KIF1A: variants seen among roughly 807,000 people sequenced by gnomAD.
KIF1A encodes the protein kinesin family member 1A.
KIF1A carries 46 observed loss-of-function variants against 227.3 expected under a neutral mutation model. The observed-to-expected ratio is 0.20, with a 90% CI of 0.16 to 0.26. KIF1A has a LOEUF of 0.26. KIF1A is among the 10% of genes least tolerant of loss of function. The probability of loss-of-function intolerance (pLI) is 1.00; values close to 1 mark genes in which losing one functional copy is unlikely to be tolerated. For missense variants in KIF1A, 1,683 were observed against 2,485.9 expected (o/e 0.68, Z 6.87); for synonymous variants, 1,022 against 1,012.8 (o/e 1.01, Z -0.17).
rs1295220887 is a variant in KIF1A, at chr2:240,715,603, G to C, written c.*1761C>G. On this transcript the variant is annotated 3_prime_UTR_variant, in exon 49 of 49. Transcript: ENST00000498729. ...CACCACTCTCGGAGATGGAACTTCA[G>C]GGGCCCAAACAACCTTCCCAAAGGA... The C allele has an allele frequency of 2.6e-5, 4 of 152,432 alleles. No homozygotes were observed. The highest frequency in any genetic ancestry group is 2.6e-4 in the Admixed American group (4 of 15,294). 9.4% of individuals were successfully genotyped at this position (152,432 alleles called of 1,614,324 possible). A position where few individuals can be genotyped will look rare whatever the true frequency, so the allele number is the denominator to read the frequency against.
rs1339852753 is a variant in KIF1A at position 240,726,649 on chromosome 2, A to T, written c.4122+177T>A. Among the ~76,000 whole-genome samples the T allele has an allele frequency of 6.6e-6, 1 of 152,000 alleles. No homozygotes were observed. The highest frequency in any genetic ancestry group is 1.9e-4 in the East Asian group (1 of 5,202). On this transcript the variant is annotated intron_variant, in intron 39 of 48. Coordinates refer to ENST00000498729, the MANE Select transcript of KIF1A (RefSeq NM_001244008.2). The surrounding 1 kb of genome is among the most constrained non-coding windows in gnomAD (Gnocchi z 5.2). Reference sequence around the variant, plus strand: ...AGCACATGGATTTATGGATTTATGGATTCAACCTTGCAGTCCAGTTTTTGT... The same window carrying T: ...AGCACATGGATTTATGGATTTATGGTTTCAACCTTGCAGTCCAGTTTTTGT...
chr2:240,792,785 C>T lies in KIF1A; in HGVS notation c.107-3473G>A, dbSNP rs976290381. Among the ~76,000 whole-genome samples the T allele has an allele frequency of 2.6e-5, 4 of 152,130 alleles. No homozygotes were observed. Among genetic ancestry groups the T allele is most frequent in the African/African-American group, 9.7e-5 (4 of 41,410 alleles). On this transcript the variant is annotated intron_variant, in intron 2 of 48. Transcript: ENST00000498729. This position sits in a 1 kb window ranked among gnomAD's most constrained non-coding sequence, Gnocchi z 4.5. ...TGAGGATGAGACGAAGCCACGAAGT[C>T]AGGGACCTCATGGTGGGATGAGTGG...
chr2:240,755,787 CT>C (rs1323728227), intron 27 of KIF1A, among the ~76,000 whole-genome samples: 2 of 152,234 alleles, frequency 1.3e-5, no homozygotes, highest in South Asian at 2.1e-4. Flanking sequence ...CCTCATCCCC[CT>C]GTGCGTCCTG....
rs1343042027 is a variant in KIF1A, at chr2:240,714,748, T to G, written c.*2616A>C. Reference sequence around the variant, plus strand: ...GTGTCCTGACTCAGGCGGCCTCCTCTCACCATCAACTCTGAGTTTCTGGGT... The same window carrying G: ...GTGTCCTGACTCAGGCGGCCTCCTCGCACCATCAACTCTGAGTTTCTGGGT... On this transcript the variant is annotated 3_prime_UTR_variant, in exon 49 of 49. Transcript: ENST00000498729. 1 of 152,358 alleles carries G rather than the reference T, an allele frequency of 6.6e-6. No individual in the cohort carries two copies. The highest frequency in any genetic ancestry group is 2.1e-4 in the South Asian group (1 of 4,820). The allele number at this position is 152,358 out of a possible 1,614,324, so 9.4% of individuals were successfully genotyped here.
At chr2:240,763,385 A>G in intron 20 of KIF1A, 39 bp from the exon 21 acceptor site, 1 of 1,531,144 alleles carries the variant, frequency 6.5e-7, no homozygotes, top group African/African-American at 1.4e-5. Context: ...AGGGATGGGG[A>G]TCTTCAGGTC....
intron 1 of KIF1A, among the ~76,000 whole-genome samples, chr2:240,810,552 C>T (rs1260957883): frequency 6.6e-6 from 1 of 152,162 alleles, no homozygotes; most frequent in African/African-American, 2.4e-5. Flanking sequence ...AGCAACTCTG[C>T]AAGTAGAGAT....
chr2:240,812,924 A>AGCCTTCACCTCGGGGATCC lies in KIF1A; in HGVS notation c.-61+7179_-61+7197dup, dbSNP rs1553642807. ...GGGATCCGCCTTCACCTCGGGGATC[A>AGCCTTCACCTCGGGGATCC]GCCTTCACCTCGGGGATCCGCCTTC... On this transcript the variant is annotated intron_variant, in intron 1 of 48. Coordinates refer to ENST00000498729, the MANE Select transcript of KIF1A (RefSeq NM_001244008.2). Among the ~76,000 whole-genome samples, 267 of 46,264 alleles carry AGCCTTCACCTCGGGGATCC rather than the reference A, an allele frequency of 5.8e-3. 13 individuals carry two copies. The highest frequency in any genetic ancestry group is 0.011 in the East Asian group (14 of 1,300). 30.4% of individuals were successfully genotyped at this position (46,264 alleles called of 152,430 possible).
At chr2:240,745,657 C>A in intron 31 of KIF1A, 81 bp downstream of exon 31, 1 of 1,545,226 alleles carries the variant, frequency 6.5e-7, no homozygotes. Flanking sequence ...ATGGCCTGCT[C>A]CCTGCCCAGC....
chr2:240,810,676 G>A (rs921945869), intron 1 of KIF1A, among the ~76,000 whole-genome samples: 2 of 152,178 alleles, frequency 1.3e-5, no homozygotes, highest in African/African-American at 2.4e-5. Context: ...ATGCAGAGTC[G>A]GCTGCAGGCC....
intron 34 of KIF1A, among the ~76,000 whole-genome samples, chr2:240,741,617 G>A (rs2047982249): frequency 1.3e-5 from 2 of 152,354 alleles, no homozygotes; most frequent in South Asian, 4.1e-4. Flanking sequence ...GGCTAGGAAA[G>A]GCACATGGCC....
chr2:240,776,959 C>T lies in KIF1A; in HGVS notation c.883-1033G>A, dbSNP rs981156651. 3.9e-5 allele frequency among the ~76,000 whole-genome samples: 6 copies of T among 152,258 alleles called. No homozygotes were observed. In the East Asian group the frequency reaches 9.6e-4, roughly 24 times the overall value. The stretch of plus-strand genomic sequence containing the variant: ...GTTTCAGGGTGTCCATCTCGCAGCT[C>T]AGCAGCATAACTGACTGCTTTCTTT... On this transcript the variant is annotated intron_variant, in intron 10 of 48. Coordinates refer to ENST00000498729, the MANE Select transcript of KIF1A (RefSeq NM_001244008.2).
At chr2:240,809,955 A>G (rs1047747559) in intron 1 of KIF1A, among the ~76,000 whole-genome samples, 2 of 151,636 alleles carry the variant, frequency 1.3e-5, no homozygotes, top group Non-Finnish European at 2.9e-5. Context: ...ATGTGCCATC[A>G]CACCTATTTT....
chr2:240,808,949 C>G (rs1482202521), intron 1 of KIF1A, among the ~76,000 whole-genome samples: 1 of 152,102 alleles, frequency 6.6e-6, no homozygotes, highest in African/African-American at 2.4e-5. Context: ...CCAGGCTGGT[C>G]TTGAACTCCT....
At chr2:240,767,443 C>T (rs2051351559) in intron 17 of KIF1A, 98 bp from the exon 18 acceptor site, 2 of 997,940 alleles carry the variant, frequency 2.0e-6, no homozygotes, top group Non-Finnish European at 3.1e-6. Flanking sequence ...CAGACTACCA[C>T]CAGGGTCCCT....
Position 240,778,386 on chromosome 2 carries a change from C to G in KIF1A, c.883-2460G>C, listed in dbSNP as rs1031197684. Among the ~76,000 whole-genome samples the G allele has an allele frequency of 6.6e-6, 1 of 152,010 alleles. No individual in the cohort carries two copies. Among genetic ancestry groups the G allele is most frequent in the Non-Finnish European group, 1.5e-5 (1 of 68,000 alleles). ...TGACACACTCGCTCTCACGGTTCCT[C>G]ACAGCTCCAGAGAAACTTGCCCACA... On this transcript the variant is annotated intron_variant, in intron 10 of 48. Coordinates refer to ENST00000498729, the MANE Select transcript of KIF1A (RefSeq NM_001244008.2). The surrounding 1 kb of genome is among the most constrained non-coding windows in gnomAD (Gnocchi z 7.2).
Position 240,784,388 on chromosome 2 carries a change from CA to C in KIF1A, c.721-573del, listed in dbSNP as rs1472166142. ...ACCACAGGACCCTCTCGGTGCCCACCAGTGAGGGCAGCGGGGCAGGCAGCCG... is the reference window on the plus strand; with the variant it reads ...ACCACAGGACCCTCTCGGTGCCCACCGTGAGGGCAGCGGGGCAGGCAGCCG... On this transcript the variant is annotated intron_variant, in intron 7 of 48. Coordinates refer to ENST00000498729, the MANE Select transcript of KIF1A (RefSeq NM_001244008.2). Among the ~76,000 whole-genome samples, 1,148 of 152,294 alleles carry C rather than the reference CA, an allele frequency of 7.5e-3. 19 individuals are homozygous for C. Among genetic ancestry groups the C allele is most frequent in the African/African-American group, 0.027 (1,117 of 41,556 alleles).
At position 240,797,693 on chromosome 2, in the gene KIF1A, C is replaced by T. The variant is rs1410510425; in HGVS notation, c.60G>A (p.Met20Ile). ...GAATGATGCACTTGGAGTCACGGCT[C>T]ATTTCCCGGGAATTGAAGGGGCGGA... ...VRVRPFNSRE[M>I]SRDSKCIIQM... The change falls in exon 2 of 49, where the codon ATG (methionine) becomes ATA (isoleucine). Residue 20 changes from methionine (M) to isoleucine (I), a missense_variant. Transcript: ENST00000498729. 7 of 1,612,886 alleles carry T rather than the reference C, an allele frequency of 4.3e-6. No homozygotes were observed. The Admixed American group carries it at 8.3e-5, about 19-fold the overall frequency.
In KIF1A at chr2:240,778,078, T is replaced by G. The variant is rs1042203172; in HGVS notation, c.883-2152A>C. ...TCAGCTCCTCCCGCTCCCCACGCAC[T>G]TCCTCGCGTTTCTCCACACGGTTCT... is the stretch of plus-strand genomic sequence containing the variant. On this transcript the variant is annotated intron_variant, in intron 10 of 48. Coordinates refer to ENST00000498729, the MANE Select transcript of KIF1A (RefSeq NM_001244008.2). This position sits in a 1 kb window ranked among gnomAD's most constrained non-coding sequence, Gnocchi z 7.2. Among the ~76,000 whole-genome samples the G allele has an allele frequency of 6.6e-6, 1 of 151,776 alleles. No homozygotes were observed. The highest frequency in any genetic ancestry group is 1.5e-5 in the Non-Finnish European group (1 of 67,934).
rs577933762 is a variant in KIF1A, at chr2:240,789,015, C to T, written c.183+221G>A. Among the ~76,000 whole-genome samples the T allele has an allele frequency of 6.6e-6, 1 of 152,280 alleles. No homozygotes were observed. Among genetic ancestry groups the T allele is most frequent in the African/African-American group, 2.4e-5 (1 of 41,542 alleles). On this transcript the variant is annotated intron_variant, in intron 3 of 48. Coordinates refer to ENST00000498729, the MANE Select transcript of KIF1A (RefSeq NM_001244008.2). This position sits in a 1 kb window ranked among gnomAD's most constrained non-coding sequence, Gnocchi z 4.8. ...CAGATGGACGTACACACAGCTCTGA[C>T]CCTGGAAACTACCCACACGGAGCTG...
Sources: gnomAD v4.1 joint callset for allele counts (sites outside exome capture counted in the v4.1 genomes callset) on GRCh38, gnomAD v4.1.1 for gene constraint, Gnocchi (gnomAD v3.1) non-coding constraint, MANE v1.5 for transcripts, NCBI Gene and HGNC (gene_info 2026-07-23, HGNC 2026-07-21) for gene names.